The following STIL variants were observed in gnomAD, a reference collection of about 807,000 sequenced individuals.
STIL encodes the protein SCL-interrupting locus protein.
Under a neutral mutation model 110.1 loss-of-function variants are expected in STIL, and 55 were observed. That is an observed-to-expected ratio of 0.50 (90% confidence interval 0.40 to 0.63). The LOEUF (loss-of-function observed/expected upper bound fraction) is 0.63. Ranked by LOEUF, STIL falls within the 20% of genes least tolerant of loss-of-function variation. STIL has a pLI of 0.00. For synonymous variants in STIL, 481 were observed against 530.0 expected (o/e 0.91, Z 1.27); for missense variants, 1,358 against 1,530.0 (o/e 0.89, Z 1.87).
At position 47,250,461 on chromosome 1, in the gene STIL, GA is replaced by G. The variant is rs1398640458; in HGVS notation, c.*674del. The G allele has an allele frequency of 6.0e-6, 1 of 167,478 alleles. No homozygotes were observed. The highest frequency in any genetic ancestry group is 1.3e-5 in the Non-Finnish European group (1 of 76,688). The allele number at this position is 167,478 out of a possible 1,614,324, so 10.4% of individuals were successfully genotyped here. On this transcript the variant is annotated 3_prime_UTR_variant, in exon 17 of 17. Transcript: ENST00000371877. ...ATTTCGCTAATTTACCCAACACCAT[GA>G]TAACTTATGTTCTTTTAATGATATA...
At chr1:47,289,028 C>G (rs144538174) in intron 9 of STIL, among the ~76,000 whole-genome samples, 2,955 of 142,690 alleles carry the variant, frequency 0.021, 108 homozygotes, top group East Asian at 0.19. Context: ...CGCCACTGCA[C>G]TCCAGCCTGG....
intron 13 of STIL, among the ~76,000 whole-genome samples, chr1:47,270,265 C>T (rs867637180): frequency 3.7e-4 from 54 of 146,480 alleles, no homozygotes; most frequent in African/African-American, 1.0e-3. Context: ...TACACACACA[C>T]ACACACACAC....
chr1:47,280,410 G>C lies in STIL; in HGVS notation c.2048C>G (p.Ser683Trp), dbSNP rs780910950. 1.2e-6 allele frequency: 2 copies of C among 1,614,234 alleles called. No homozygotes were observed. Among genetic ancestry groups the C allele is most frequent in the Non-Finnish European group, 1.7e-6 (2 of 1,180,044 alleles). ...ATGTGAAGGCGGTCTTGCCACAGGCGATGGTTCAATATTGCTGTGGGGAGA... is the reference window on the plus strand; with the variant it reads ...ATGTGAAGGCGGTCTTGCCACAGGCCATGGTTCAATATTGCTGTGGGGAGA... ...SCSPHSNIEP[S>W]PVARPPSHMD... is the part of the protein sequence containing the mutation. The change falls in exon 12 of 17, where the codon TCG (serine) becomes TGG (tryptophan). Residue 683 changes from serine (S) to tryptophan (W), a missense_variant. Ser to Trp is a radical substitution (Grantham distance 177). Transcript: ENST00000371877.
rs1395453791 is a variant in STIL at position 47,250,664 on chromosome 1, C to T, written c.*472G>A. 2 of 164,270 alleles carry T rather than the reference C, an allele frequency of 1.2e-5. No individual in the cohort carries two copies. The highest frequency in any genetic ancestry group is 4.8e-5 in the African/African-American group (2 of 41,660). 10.2% of individuals were successfully genotyped at this position (164,270 alleles called of 1,614,324 possible). On this transcript the variant is annotated 3_prime_UTR_variant, in exon 17 of 17. Transcript: ENST00000371877. ...GAGAAACCAGTCTCTACTAAAAATA[C>T]AAAATTAGCCAGGCGTTGTGGCACA...
At position 47,303,252 on chromosome 1, in the gene STIL, A is replaced by G. The variant is rs754633881; in HGVS notation, c.153-906T>C. Among the ~76,000 whole-genome samples the G allele has an allele frequency of 2.5e-4, 38 of 152,302 alleles. 1 individual carries two copies. Among genetic ancestry groups the G allele is most frequent in the Non-Finnish European group, 2.2e-4 (15 of 68,028 alleles). On this transcript the variant is annotated intron_variant, in intron 3 of 16. Coordinates refer to ENST00000371877, the MANE Select transcript of STIL (RefSeq NM_001048166.1). ...ATAAGTATCCTCTCATATATATGGT[A>G]CACCGCCACGTTTTAAAAAACCTAA...
At chr1:47,274,015 GGTT>G (rs1644913935) in intron 12 of STIL, among the ~76,000 whole-genome samples, 1 of 152,086 alleles carries the variant, frequency 6.6e-6, no homozygotes. Context: ...CTAAAACTAA[GGTT>G]GTTAAAAGAG....
At chr1:47,299,627 A>G (rs1645744483) in intron 6 of STIL, 8 of 374,492 alleles carry the variant, frequency 2.1e-5, no homozygotes, top group South Asian at 1.8e-4. Flanking sequence ...TCCTGACCTC[A>G]GGTGATCTGC....
chr1:47,284,245 A>G (rs776336657), intron 10 of STIL, among the ~76,000 whole-genome samples: 14 of 152,218 alleles, frequency 9.2e-5, no homozygotes, highest in Non-Finnish European at 1.9e-4. Context: ...GAAAAACTTC[A>G]GGTTGTATAG....
intron 16 of STIL, among the ~76,000 whole-genome samples, chr1:47,255,532 G>T (rs144483302): frequency 7.2e-6 from 1 of 139,288 alleles, no homozygotes; most frequent in Middle Eastern, 3.4e-3. Flanking sequence ...CTGGGCAACA[G>T]AGCGAGACCC....
intron 12 of STIL, among the ~76,000 whole-genome samples, chr1:47,276,079 T>G (rs545168580): frequency 6.6e-6 from 1 of 152,054 alleles, no homozygotes; most frequent in South Asian, 2.1e-4. Flanking sequence ...CTTGGCTCAC[T>G]GCAATTTCCG....
At chr1:47,268,758 C>CATAAATAA (rs55980086) in intron 14 of STIL, among the ~76,000 whole-genome samples, 34 of 98,276 alleles carry the variant, frequency 3.5e-4, no homozygotes, top group East Asian at 1.7e-3. Flanking sequence ...AACTCCATCT[C>CATAAATAA]ATAAATAAAT....
At position 47,269,589 on chromosome 1, in the gene STIL, A is replaced by T. The variant is rs376869052; in HGVS notation, c.2615+46T>A. 3.8e-5 allele frequency: 58 copies of T among 1,523,224 alleles called. No individual in the cohort carries two copies. The East Asian group carries it at 6.6e-4, about 17-fold the overall frequency. The allele number at this position is 1,523,224 out of a possible 1,614,324, so 94.4% of individuals were successfully genotyped here. On this transcript the variant is annotated intron_variant, in intron 14 of 16. Transcript: ENST00000371877. ...AATTATTATTTGTCTATCAAAAAAA[A>T]TTTTTTTTGAAAGTAGGATGAAAGA...
intron 10 of STIL, chr1:47,283,475 T>C (rs967620607): frequency 9.8e-5 from 15 of 152,356 alleles, no homozygotes; most frequent in African/African-American, 3.4e-4. Context: ...CAGTGCAGCA[T>C]GGACAGGAAA....
intron 12 of STIL, among the ~76,000 whole-genome samples, chr1:47,278,912 C>A (rs1210047090): frequency 6.6e-6 from 1 of 152,052 alleles, no homozygotes; most frequent in East Asian, 1.9e-4. Context: ...CTATCCAAAG[C>A]GTTTTCACTG....
At chr1:47,304,660 A>C (rs1570280752) in intron 3 of STIL, among the ~76,000 whole-genome samples, 1 of 152,230 alleles carries the variant, frequency 6.6e-6, no homozygotes, top group Non-Finnish European at 1.5e-5. Flanking sequence ...ACCTCTTTTG[A>C]ATTCCTACAA....
Position 47,280,826 on chromosome 1 carries a change from T to C in STIL, c.1632A>G (p.Gly544=). The change falls in exon 12 of 17, where the codon GGA becomes GGG. Residue 544 remains glycine (G), a synonymous_variant. Coordinates refer to ENST00000371877, the MANE Select transcript of STIL (RefSeq NM_001048166.1). ...IFEKLQTVSA[G]NVQNEEYPIR... The stretch of plus-strand genomic sequence containing the variant: ...TAGGATACTCTTCGTTTTGTACATT[T>C]CCAGCAGAAACTGTTTGGAGCTTTT... 1 of 1,614,200 alleles carries C rather than the reference T, an allele frequency of 6.2e-7. No homozygotes were observed. Among genetic ancestry groups the C allele is most frequent in the Non-Finnish European group, 8.5e-7 (1 of 1,180,034 alleles).
At chr1:47,311,093 AC>A (rs1464937398) in intron 1 of STIL, among the ~76,000 whole-genome samples, 5 of 151,806 alleles carry the variant, frequency 3.3e-5, no homozygotes, top group Admixed American at 2.6e-4. Context: ...TGATCCGCCC[AC>A]CTTGGCCTCC....
rs149697952 is a variant in STIL at position 47,272,097 on chromosome 1, C to T, written c.2362G>A (p.Val788Ile). Residue 788 changes from valine to isoleucine, a missense_variant, in exon 13 of 17, where the codon GTA (valine) becomes ATA (isoleucine). Transcript: ENST00000371877. ...SSPGLHMRKG[V>I]SIAVSTGASL... ...TTACCTGTGCTCACAGCAATGCTTA[C>T]ACCTTTTCTCATGTGCAAGCCAGGG... 2,837 of 1,614,110 alleles carry T rather than the reference C, an allele frequency of 1.8e-3. 3 individuals carry two copies. The highest frequency in any genetic ancestry group is 2.2e-3 in the Non-Finnish European group (2,617 of 1,180,006).
intron 8 of STIL, among the ~76,000 whole-genome samples, chr1:47,290,929 G>C (rs1645467428): frequency 6.6e-6 from 1 of 152,042 alleles, no homozygotes; most frequent in Admixed American, 6.6e-5. Flanking sequence ...TGGCCTCTTT[G>C]CTGCTCCTTG....
Sources: allele counts gnomAD v4.1 joint callset (sites outside exome capture counted in the v4.1 genomes callset), GRCh38; gene constraint gnomAD v4.1.1; transcripts MANE v1.5; gene names NCBI Gene and HGNC (gene_info 2026-07-23, HGNC 2026-07-21).